Variants in DHRSX observed in about 807,000 individuals in gnomAD.
The protein encoded by DHRSX is polyprenol dehydrogenase.
In DHRSX, 31 loss-of-function variants were observed where a neutral mutation model predicts 34.0. That is an observed-to-expected ratio of 0.91 (90% CI 0.69 to 1.23). The LOEUF (loss-of-function observed/expected upper bound fraction) is 1.23, where lower values mean the gene tolerates loss of function less well. DHRSX is among the 50% of genes most tolerant of loss of function. DHRSX has a pLI of 0.00. For synonymous variants in DHRSX, 201 were observed against 183.8 expected (o/e 1.09, Z -0.76); for missense variants, 414 against 428.1 (o/e 0.97, Z 0.29).
At chrX:2,440,359 G>A (rs2044047453) in intron 1 of DHRSX, among the ~76,000 whole-genome samples, 1 of 151,530 alleles carries the variant, frequency 6.6e-6, no homozygotes. Context: ...CACCAGCATG[G>A]CCAGATAATT....
At chrX:2,247,190 C>T (rs1411566787) in intron 5 of DHRSX, among the ~76,000 whole-genome samples, 1 of 152,090 alleles carries the variant, frequency 6.6e-6, no homozygotes, top group African/African-American at 2.4e-5. Context: ...CCCAAGTGAT[C>T]CACCCACCTT....
chrX:2,246,826 T>C (rs1476559723), intron 5 of DHRSX, among the ~76,000 whole-genome samples: 1 of 151,376 alleles, frequency 6.6e-6, no homozygotes, highest in Non-Finnish European at 1.5e-5. Flanking sequence ...AGAAGAAAAA[T>C]GAAAATGCTT....
intron 3 of DHRSX, among the ~76,000 whole-genome samples, chrX:2,355,511 TAAAAAAAAAAAAAAAAAAA>T (rs767512287): frequency 2.3e-4 from 17 of 75,300 alleles, no homozygotes; most frequent in Non-Finnish European, 3.4e-4. Flanking sequence ...AGACCCCATC[TAAAAAAAAAAAAAAAAAAA>T]AAAAAAAAAA....
At chrX:2,303,833 A>G (rs1349956799) in intron 3 of DHRSX, among the ~76,000 whole-genome samples, 12 of 77,112 alleles carry the variant, frequency 1.6e-4, no homozygotes, top group East Asian at 3.6e-4. Context: ...GGGTGGGTGG[A>G]TGGATGGATG....
chrX:2,364,740 CA>C (rs1177398965), intron 3 of DHRSX, among the ~76,000 whole-genome samples: 3 of 152,018 alleles, frequency 2.0e-5, no homozygotes, highest in Non-Finnish European at 4.4e-5. Flanking sequence ...ATTTATCTAT[CA>C]TTTATCTATC....
Position 2,220,947 on chromosome X carries a change from GTGAGAAACTC to G in DHRSX, c.*84_*93del. 14 of 1,263,044 alleles carry G rather than the reference GTGAGAAACTC, an allele frequency of 1.1e-5. No individual in the cohort carries two copies. Among genetic ancestry groups the G allele is most frequent in the Non-Finnish European group, 1.4e-5 (13 of 897,428 alleles). 78.2% of individuals were successfully genotyped at this position (1,263,044 alleles called of 1,614,324 possible). On this transcript the variant is annotated 3_prime_UTR_variant, in exon 7 of 7. Coordinates refer to ENST00000334651, the MANE Select transcript of DHRSX (RefSeq NM_145177.3). ...GACAGAGCCCTGTGGGCAGGTGGGT[GTGAGAAACTC>G]AAACACCGCAGTCTTCACAGACCCA...
At chrX:2,240,702 G>A (rs1025050279) in intron 6 of DHRSX, among the ~76,000 whole-genome samples, 1 of 152,044 alleles carries the variant, frequency 6.6e-6, no homozygotes, top group African/African-American at 2.4e-5. Context: ...TCGTGGCGGT[G>A]TTTCAAAAGC....
chrX:2,236,265 G>A (rs1214483879), intron 6 of DHRSX, among the ~76,000 whole-genome samples: 2 of 152,170 alleles, frequency 1.3e-5, no homozygotes, highest in Non-Finnish European at 2.9e-5. Context: ...GCGCCCAGGA[G>A]AAGCCCTGTC....
At chrX:2,404,157 C>T (rs1461592586) in intron 3 of DHRSX, among the ~76,000 whole-genome samples, 1 of 152,092 alleles carries the variant, frequency 6.6e-6, no homozygotes. Flanking sequence ...TTTGAAGGTG[C>T]GTGGGGATCA....
At chrX:2,336,834 GATAGATAGATAGAT>G (rs936134671) in intron 3 of DHRSX, among the ~76,000 whole-genome samples, 1 of 78,070 alleles carries the variant, frequency 1.3e-5, no homozygotes, top group Non-Finnish European at 3.6e-5. Context: ...GCAGCCCTAA[GATAGATAGATAGAT>G]ATAGATAGAT....
At position 2,247,546 on chromosome X, in the gene DHRSX, C is replaced by T. The variant is rs186776220; in HGVS notation, c.597-4316G>A. On this transcript the variant is annotated intron_variant, in intron 5 of 6. Coordinates refer to ENST00000334651, the MANE Select transcript of DHRSX (RefSeq NM_145177.3). ...GCGGGCGCCTGTAGTCCCAGCTACT[C>T]GGGAAGCTGAGGCAGGAGAATGGCG... Among the ~76,000 whole-genome samples the T allele has an allele frequency of 5.4e-3, 806 of 149,008 alleles. 7 individuals carry two copies. Among genetic ancestry groups the T allele is most frequent in the African/African-American group, 0.018 (744 of 40,326 alleles).
intron 1 of DHRSX, chrX:2,489,747 A>G: frequency 6.2e-7 from 1 of 1,613,258 alleles, no homozygotes; most frequent in Non-Finnish European, 8.5e-7. Flanking sequence ...GCCACGGCAG[A>G]CTGCTGGAAG....
At chrX:2,360,014 A>G (rs1426689662) in intron 3 of DHRSX, among the ~76,000 whole-genome samples, 1 of 152,116 alleles carries the variant, frequency 6.6e-6, no homozygotes, top group Non-Finnish European at 1.5e-5. Flanking sequence ...ACAAACCCCC[A>G]TGACACGAGT....
chrX:2,460,504 G>C lies in DHRSX; in HGVS notation c.110-35200C>G, dbSNP rs56790556. On this transcript the variant is annotated intron_variant, in intron 1 of 6. Coordinates refer to ENST00000334651, the MANE Select transcript of DHRSX (RefSeq NM_145177.3). The stretch of plus-strand genomic sequence containing the variant: ...ATGATCGTAGCTTATGGCAGCCTCA[G>C]CCTCCTTGGGCTCAAGCGATCCTTC... Among the ~76,000 whole-genome samples, 1,497 of 151,876 alleles carry C rather than the reference G, an allele frequency of 9.9e-3. 10 individuals are homozygous for C. Among genetic ancestry groups the C allele is most frequent in the African/African-American group, 0.034 (1,413 of 41,412 alleles).
At chrX:2,433,263 C>T (rs1380401531) in intron 1 of DHRSX, among the ~76,000 whole-genome samples, 1 of 151,978 alleles carries the variant, frequency 6.6e-6, no homozygotes, top group African/African-American at 2.4e-5. Flanking sequence ...CCAGAAAAAC[C>T]CCAAACATGC....
chrX:2,428,882 C>T (rs188839034), intron 1 of DHRSX, among the ~76,000 whole-genome samples: 1 of 152,238 alleles, frequency 6.6e-6, no homozygotes, highest in African/African-American at 2.4e-5. Context: ...AACATACAAT[C>T]GCCAGGGTGA....
intron 3 of DHRSX, among the ~76,000 whole-genome samples, chrX:2,405,817 A>C (rs1220617382): frequency 1.3e-5 from 2 of 151,966 alleles, no homozygotes; most frequent in Non-Finnish European, 2.9e-5. Flanking sequence ...CAAACAAATA[A>C]AGAATCAAAA....
intron 5 of DHRSX, among the ~76,000 whole-genome samples, chrX:2,263,736 C>T (rs950578020): frequency 6.6e-6 from 1 of 152,106 alleles, no homozygotes; most frequent in Non-Finnish European, 1.5e-5. Context: ...TGGTCTCGAT[C>T]TCCTGACCTC....
intron 5 of DHRSX, among the ~76,000 whole-genome samples, chrX:2,259,351 T>G (rs1349713295): frequency 3.2e-5 from 4 of 123,750 alleles, no homozygotes; most frequent in Non-Finnish European, 7.6e-5. Context: ...GATATAGATA[T>G]ATAGATAGAT....
Sources: gnomAD v4.1 joint callset for allele counts (sites outside exome capture counted in the v4.1 genomes callset) on GRCh38, gnomAD v4.1.1 for gene constraint, MANE v1.5 for transcripts, NCBI Gene and HGNC (gene_info 2026-07-23, HGNC 2026-07-21) for gene names.